Variants in CHRD observed in about 807,000 individuals in gnomAD.
CHRD encodes chordin.
Under a neutral mutation model 113.7 loss-of-function variants are expected in CHRD, and 69 were observed. The observed-to-expected ratio is 0.61, with a 90% confidence interval of 0.50 to 0.74. The LOEUF is 0.74. Among genes scored for constraint, CHRD ranks in the 30% least tolerant of loss-of-function variants. The pLI, the probability that CHRD is intolerant of heterozygous loss-of-function variation, is 0.00. For missense variants in CHRD, 1,194 were observed against 1,295.8 expected (o/e 0.92, Z 1.21); for synonymous variants, 561 against 540.8 (o/e 1.04, Z -0.52).
rs1263485325 is a variant in CHRD at position 184,380,613 on chromosome 3, C to T, written c.149-79C>T. ...GGGCAGAAGGGCGCGGTGCCTGGGA[C>T]CCGGGACCCGCGGGCAGCCCCCGGG... On this transcript the variant is annotated intron_variant, in intron 1 of 22. Transcript: ENST00000204604. The surrounding 1 kb of genome is among the most constrained non-coding windows in gnomAD (Gnocchi z 6.3). 1.5e-5 allele frequency: 19 copies of T among 1,237,672 alleles called. No homozygotes were observed. In the East Asian group the frequency reaches 4.6e-4, roughly 30 times the overall value. The allele number at this position is 1,237,672 out of a possible 1,614,324, so 76.7% of individuals were successfully genotyped here.
exon 23 of CHRD, chr3:184,389,774 T>C (rs985094975): frequency 1.7e-5 from 4 of 238,598 alleles, no homozygotes; most frequent in African/African-American, 8.8e-5. Context: ...GCCCCTGAGC[T>C]GAGCAGAGTC....
chr3:184,386,529 G>T (rs1167407707), exon 16 of CHRD: 1 of 1,537,024 alleles, frequency 6.5e-7, no homozygotes, highest in African/African-American at 1.4e-5. Flanking sequence ...GGCGGACTGC[G>T]CCTGGAGGCG....
chr3:184,382,885 A>G (rs1715672566), exon 9 of CHRD: 2 of 1,613,530 alleles, frequency 1.2e-6, no homozygotes, highest in Non-Finnish European at 1.7e-6. Context: ...GAGGCTCCAG[A>G]TTCTACACCA....
rs1243783169 is a variant in CHRD, at chr3:184,381,533, C to T, written c.420C>T (p.Ser140=). 2 of 1,606,956 alleles carry T rather than the reference C, an allele frequency of 1.2e-6. No individual in the cohort carries two copies. The highest frequency in any genetic ancestry group is 2.2e-5 in the South Asian group (2 of 90,510). The stretch of plus-strand genomic sequence containing the variant: ...CGGAGCGGCAGCCGAGCGGCCTGTC[C>T]TTCGAGTATCCGCGGGACCCGGAGC... The change falls in exon 4 of 23, where the codon TCC becomes TCT. Residue 140 remains serine, a synonymous_variant. Transcript: ENST00000204604. This position sits in a 1 kb window ranked among gnomAD's most constrained non-coding sequence, Gnocchi z 4.7.
Position 184,388,637 on chromosome 3 carries a change from C to T in CHRD, c.2605C>T (p.Pro869Ser). The T allele has an allele frequency of 1.2e-6, 2 of 1,613,424 alleles. No individual in the cohort carries two copies. Among genetic ancestry groups the T allele is most frequent in the Non-Finnish European group, 8.5e-7 (1 of 1,180,020 alleles). The change falls in exon 21 of 23, where the codon CCC becomes TCC. Residue 869 changes from proline (P) to serine (S), a missense_variant. Transcript: ENST00000204604. This position sits in a 1 kb window ranked among gnomAD's most constrained non-coding sequence, Gnocchi z 6.1. ...GGGGGACCCCATGCAGGCTGATGGG[C>T]CCCGGGGCTGCCGTTTTGCTGGGCA...
intron 14 of CHRD, among the ~76,000 whole-genome samples, chr3:184,385,666 CAAAAAAAAAAAAAA>C (rs533681477): frequency 5.1e-4 from 20 of 39,358 alleles, no homozygotes; most frequent in South Asian, 3.5e-3. Flanking sequence ...AAATCCGTCT[CAAAAAAAAAAAAAA>C]AAAAAAAAAA....
downstream of CHRD, chr3:184,389,910 G>C (rs1003508317): frequency 1.9e-5 from 3 of 156,888 alleles, no homozygotes; most frequent in African/African-American, 7.2e-5. Flanking sequence ...GGAGGTGAGA[G>C]AGAGGAGCTC....
exon 10 of CHRD, chr3:184,383,050 C>G (rs1715699179): frequency 1.2e-6 from 2 of 1,612,282 alleles, no homozygotes; most frequent in East Asian, 4.5e-5. Flanking sequence ...CCCAACCTGA[C>G]AGTCCAGGAG....
In CHRD at chr3:184,386,830, T is replaced by G. The variant is rs779617152; in HGVS notation, c.2197-15T>G. On this transcript the variant is annotated splice_polypyrimidine_tract_variant and intron_variant, in intron 16 of 22. Transcript: ENST00000204604. ...GCCTGGACACTCCCGTCAATGCCTC[T>G]GCTCCTCTCTGCAGAGACGAACGGT... 1.2e-5 allele frequency: 19 copies of G among 1,614,002 alleles called. No individual in the cohort carries two copies. The South Asian group carries it at 2.1e-4, about 18-fold the overall frequency.
intron 17 of CHRD, 32 bp downstream of exon 17, chr3:184,386,970 G>A: frequency 6.2e-7 from 1 of 1,614,184 alleles, no homozygotes; most frequent in South Asian, 1.1e-5. Flanking sequence ...GGAGGGAGGA[G>A]TTGGCCCAGT....
exon 23 of CHRD, chr3:184,389,459 G>GAAGTGA (rs1716880378): frequency 6.3e-7 from 1 of 1,595,818 alleles, no homozygotes; most frequent in Middle Eastern, 1.7e-4. Context: ...AGAGGATGGG[G>GAAGTGA]CCTGAGCTGG....
At chr3:184,385,403 C>T (rs954642109) in intron 14 of CHRD, among the ~76,000 whole-genome samples, 165 bp downstream of exon 14, 2 of 152,086 alleles carry the variant, frequency 1.3e-5, no homozygotes, top group African/African-American at 4.8e-5. Flanking sequence ...TGCAGTGGCT[C>T]AAGCCTGTAA....
chr3:184,386,184 G>C, intron 15 of CHRD, 25 bp downstream of exon 15: 1 of 1,608,066 alleles, frequency 6.2e-7, no homozygotes, highest in Non-Finnish European at 8.5e-7. Flanking sequence ...TGGGCAGTGG[G>C]GGCAGTGGGG....
Position 184,381,851 on chromosome 3 carries a change from C to T in CHRD, c.611+36C>T. The stretch of plus-strand genomic sequence containing the variant: ...GGAAGGAGCAAGGAGGGGTCAGCTG[C>T]CGGGGCCCGGGAGGGAAACTGGGAG... On this transcript the variant is annotated intron_variant, in intron 5 of 22. Transcript: ENST00000204604. The surrounding 1 kb of genome is among the most constrained non-coding windows in gnomAD (Gnocchi z 4.7). 1 of 1,610,754 alleles carries T rather than the reference C, an allele frequency of 6.2e-7. No homozygotes were observed. Among genetic ancestry groups the T allele is most frequent in the South Asian group, 1.1e-5 (1 of 90,714 alleles).
Position 184,384,993 on chromosome 3 carries a change from T to C in CHRD, c.1598-25T>C, listed in dbSNP as rs767703051. On this transcript the variant is annotated intron_variant, in intron 13 of 22. Coordinates refer to ENST00000204604, the Ensembl canonical transcript of CHRD. This position sits in a 1 kb window ranked among gnomAD's most constrained non-coding sequence, Gnocchi z 4.4. ...TTGCCCTAGGCCACCTTCTCACCTG[T>C]CATCTCTCCTCTGTCTGGACCCAGC... is the stretch of plus-strand genomic sequence containing the variant. The C allele has an allele frequency of 4.3e-6, 7 of 1,609,264 alleles. No homozygotes were observed. Among genetic ancestry groups the C allele is most frequent in the Non-Finnish European group, 5.1e-6 (6 of 1,176,880 alleles).
chr3:184,386,684 G>A (rs1716357978), exon 16 of CHRD: 2 of 1,612,474 alleles, frequency 1.2e-6, no homozygotes, highest in Non-Finnish European at 1.7e-6. Context: ...CTTCTTCGAG[G>A]GGCAGCAGCG....
chr3:184,387,174 G>T lies in CHRD; in HGVS notation c.2347+67G>T. ...AGCCATTAGGTTGAACCAGGAGGGGGACAAGAAGGGGAGAGTATATAGGGG... is the reference window on the plus strand; with the variant it reads ...AGCCATTAGGTTGAACCAGGAGGGGTACAAGAAGGGGAGAGTATATAGGGG... On this transcript the variant is annotated intron_variant, in intron 18 of 22. Coordinates refer to ENST00000204604, the Ensembl canonical transcript of CHRD. The surrounding 1 kb of genome is among the most constrained non-coding windows in gnomAD (Gnocchi z 6.1). The T allele has an allele frequency of 6.8e-7, 1 of 1,474,224 alleles. No individual in the cohort carries two copies. Among genetic ancestry groups the T allele is most frequent in the South Asian group, 1.1e-5 (1 of 87,912 alleles). The allele number at this position is 1,474,224 out of a possible 1,614,324, so 91.3% of individuals were successfully genotyped here.
Position 184,380,827 on chromosome 3 carries a change from G to A in CHRD, c.252+32G>A. The A allele has an allele frequency of 4.6e-6, 7 of 1,516,614 alleles. No individual in the cohort carries two copies. Among genetic ancestry groups the A allele is most frequent in the Non-Finnish European group, 6.2e-6 (7 of 1,133,110 alleles). The allele number at this position is 1,516,614 out of a possible 1,614,324, so 93.9% of individuals were successfully genotyped here. A position where few individuals can be genotyped will look rare whatever the true frequency, so the allele number is the denominator to read the frequency against. ...GCACCCCGCGGCCGGCCCGGGCCCTGGCGGGTGGGGAGCGCCGGGTCGCGC... is the reference window on the plus strand; with the variant it reads ...GCACCCCGCGGCCGGCCCGGGCCCTAGCGGGTGGGGAGCGCCGGGTCGCGC... On this transcript the variant is annotated intron_variant, in intron 2 of 22. Transcript: ENST00000204604. The surrounding 1 kb of genome is among the most constrained non-coding windows in gnomAD (Gnocchi z 6.3).
At position 184,387,365 on chromosome 3, in the gene CHRD, C is replaced by T. The variant is rs773492336; in HGVS notation, c.2348-9C>T. 3.7e-6 allele frequency: 6 copies of T among 1,604,402 alleles called. No individual in the cohort carries two copies. The highest frequency in any genetic ancestry group is 1.1e-5 in the South Asian group (1 of 89,224). On this transcript the variant is annotated splice_polypyrimidine_tract_variant and intron_variant, in intron 18 of 22. Coordinates refer to ENST00000204604, the Ensembl canonical transcript of CHRD. The surrounding 1 kb of genome is among the most constrained non-coding windows in gnomAD (Gnocchi z 6.1). ...ATACTAATGGCTGCTGGGCCCTGTT[C>T]CCCACCAGGCTGCTATTTTGATGGT...
Sources: allele counts gnomAD v4.1 joint callset (sites outside exome capture counted in the v4.1 genomes callset), GRCh38; gene constraint gnomAD v4.1.1; non-coding constraint Gnocchi (gnomAD v3.1); transcripts MANE v1.5; gene names NCBI Gene and HGNC (gene_info 2026-07-23, HGNC 2026-07-21).